The following UGCG variants were observed in gnomAD, a reference collection of about 807,000 sequenced individuals.
The protein encoded by UGCG is ceramide glucosyltransferase.
In UGCG, 10 loss-of-function variants were observed where a neutral mutation model predicts 49.5. The ratio of observed to expected loss-of-function variants is 0.20; its 90% confidence interval spans 0.12 to 0.34. UGCG has a LOEUF of 0.34. UGCG is among the 10% of genes least tolerant of loss of function. The pLI is 1.00. For missense variants in UGCG, 312 were observed against 483.7 expected (o/e 0.65, Z 3.33); for synonymous variants, 182 against 158.2 (o/e 1.15, Z -1.13).
At chr9:111,930,570 C>T (rs535159785) in intron 6 of UGCG, among the ~76,000 whole-genome samples, 27 of 150,932 alleles carry the variant, frequency 1.8e-4, no homozygotes, top group African/African-American at 6.1e-4. Context: ...TGGGTTCAAA[C>T]GATTCTCCTG....
chr9:111,929,071 AGGATTGTCCCG>A (rs1838374789), intron 5 of UGCG, among the ~76,000 whole-genome samples: 1 of 135,494 alleles, frequency 7.4e-6, no homozygotes, highest in African/African-American at 2.7e-5. Context: ...CCAAAAAAAT[AGGATTGTCCCG>A]AAGGTTGATA....
chr9:111,898,895 TAATA>T (rs1317336985), intron 1 of UGCG, among the ~76,000 whole-genome samples: 1 of 152,230 alleles, frequency 6.6e-6, no homozygotes, highest in African/African-American at 2.4e-5. Context: ...TTCATCTGTT[TAATA>T]AATGTTTATT....
At chr9:111,927,016 G>A (rs1205153786) in intron 5 of UGCG, among the ~76,000 whole-genome samples, 1 of 151,288 alleles carries the variant, frequency 6.6e-6, no homozygotes, top group South Asian at 2.1e-4. Flanking sequence ...GGGATTTCAG[G>A]TGTGCTACCA....
intron 3 of UGCG, among the ~76,000 whole-genome samples, chr9:111,923,609 G>A (rs540776532): frequency 1.3e-5 from 2 of 151,790 alleles, no homozygotes; most frequent in Non-Finnish European, 2.9e-5. Flanking sequence ...ATTATTTACT[G>A]TCATATATTT....
At chr9:111,916,370 A>G (rs1317946455) in intron 2 of UGCG, among the ~76,000 whole-genome samples, 1 of 152,208 alleles carries the variant, frequency 6.6e-6, no homozygotes, top group Non-Finnish European at 1.5e-5. Context: ...AAAATTGGTC[A>G]TGGAATTTTT....
chr9:111,911,621 A>T (rs551932666), intron 1 of UGCG, among the ~76,000 whole-genome samples: 1 of 151,960 alleles, frequency 6.6e-6, no homozygotes, highest in South Asian at 2.1e-4. Flanking sequence ...TCAGGGGCTG[A>T]ACGTGGTGGC....
At chr9:111,901,188 A>G (rs1333691677) in intron 1 of UGCG, among the ~76,000 whole-genome samples, 1 of 152,198 alleles carries the variant, frequency 6.6e-6, no homozygotes, top group East Asian at 1.9e-4. Flanking sequence ...TTGCATACTC[A>G]TTGTGTCAGG....
At chr9:111,907,752 G>A (rs777762497) in intron 1 of UGCG, among the ~76,000 whole-genome samples, 2 of 151,850 alleles carry the variant, frequency 1.3e-5, no homozygotes, top group African/African-American at 2.4e-5. Flanking sequence ...AGCCTCCCGA[G>A]TAGCTGGGAT....
At chr9:111,918,882 G>A (rs551708524) in intron 2 of UGCG, among the ~76,000 whole-genome samples, 46 of 144,898 alleles carry the variant, frequency 3.2e-4, no homozygotes, top group African/African-American at 1.2e-3. Flanking sequence ...CGGAGATCGC[G>A]CCACAGCACT....
intron 1 of UGCG, among the ~76,000 whole-genome samples, chr9:111,913,333 A>G (rs1490843059): frequency 1.3e-5 from 2 of 152,208 alleles, no homozygotes; most frequent in Non-Finnish European, 2.9e-5. Context: ...AGTAGGAGGA[A>G]GGCTTCAGTG....
intron 1 of UGCG, among the ~76,000 whole-genome samples, chr9:111,897,827 C>T (rs2131709706): frequency 6.6e-6 from 1 of 151,792 alleles, no homozygotes; most frequent in East Asian, 1.9e-4. Context: ...AAAATGTCCA[C>T]CAAACCTCCG....
At chr9:111,911,939 T>TCAACAGG (rs1463032993) in intron 1 of UGCG, among the ~76,000 whole-genome samples, 3 of 46,260 alleles carry the variant, frequency 6.5e-5, no homozygotes, top group Admixed American at 2.8e-4. Flanking sequence ...TATATATATA[T>TCAACAGG]ATATATATAT....
Position 111,897,130 on chromosome 9 carries a change from C to T in UGCG, c.-86C>T, listed in dbSNP as rs368459597. 179 of 1,209,288 alleles carry T rather than the reference C, an allele frequency of 1.5e-4. 3 individuals are homozygous for T. In the East Asian group the frequency reaches 4.1e-3, roughly 28 times the overall value. 74.9% of individuals were successfully genotyped at this position (1,209,288 alleles called of 1,614,324 possible). On this transcript the variant is annotated 5_prime_UTR_variant, in exon 1 of 9. Transcript: ENST00000374279. ...TCCTCTCGCCTCCCGCGCCCCCGCA[C>T]CGGGCGCCCACCCTGTCCTCCTCCT...
At chr9:111,919,003 CCTTA>C (rs1838168457) in intron 2 of UGCG, among the ~76,000 whole-genome samples, 1 of 152,022 alleles carries the variant, frequency 6.6e-6, no homozygotes, top group African/African-American at 2.4e-5. Context: ...ACTGTACCTC[CCTTA>C]CTTATAACCT....
intron 7 of UGCG, 29 bp downstream of exon 7, chr9:111,931,386 C>A (rs757749269): frequency 1.9e-6 from 3 of 1,596,682 alleles, no homozygotes; most frequent in Non-Finnish European, 2.6e-6. Context: ...TTTTATACTT[C>A]GTTAAAAGGA....
At position 111,929,637 on chromosome 9, in the gene UGCG, C is replaced by T; in HGVS notation, c.696C>T (p.Tyr232=). 2 of 1,613,964 alleles carry T rather than the reference C, an allele frequency of 1.2e-6. No homozygotes were observed. The highest frequency in any genetic ancestry group is 1.7e-5 in the Admixed American group (1 of 59,964). Residue 232 remains tyrosine (Y), a synonymous_variant, in exon 6 of 9, where the codon TAC becomes TAT. Coordinates refer to ENST00000374279, the MANE Select transcript of UGCG (RefSeq NM_003358.3). ...GAGGACTTATAGCTTTTGCTCAGTA[C>T]ATTGCCGAAGATTACTTTATGGCCA... ...QAGGLIAFAQ[Y]IAEDYFMAKA... is the part of the protein sequence containing the mutation.
chr9:111,924,824 G>A lies in UGCG; in HGVS notation c.391G>A (p.Gly131Arg). Residue 131 changes from glycine (G) to arginine (R), a missense_variant, in exon 4 of 9, where the codon GGA becomes AGA. Physicochemically the swap from Gly to Arg is moderately radical, Grantham distance 125 (BLOSUM62 -2). Coordinates refer to ENST00000374279, the MANE Select transcript of UGCG (RefSeq NM_003358.3). ...INPKINNLMP[G>R]YEVAKYDLIW... is the part of the protein sequence containing the mutation. ...TCCTAAAATTAATAATTTAATGCCA[G>A]GATATGAAGTTGCAAAGTATGATCT... The A allele has an allele frequency of 6.5e-7, 1 of 1,542,984 alleles. No individual in the cohort carries two copies. The highest frequency in any genetic ancestry group is 2.4e-5 in the East Asian group (1 of 40,824).
chr9:111,921,872 G>T (rs983624098), intron 2 of UGCG, among the ~76,000 whole-genome samples: 12 of 129,488 alleles, frequency 9.3e-5, no homozygotes, highest in Non-Finnish European at 1.6e-5. Flanking sequence ...ATGTAGTGGC[G>T]CAGTCTTCGG....
chr9:111,910,234 C>G (rs1289408734), intron 1 of UGCG, among the ~76,000 whole-genome samples: 1 of 152,188 alleles, frequency 6.6e-6, no homozygotes, highest in African/African-American at 2.4e-5. Flanking sequence ...ATCTTCGTTG[C>G]TACTGTTTTT....
Sources: allele counts gnomAD v4.1 joint callset (sites outside exome capture counted in the v4.1 genomes callset), GRCh38; gene constraint gnomAD v4.1.1; transcripts MANE v1.5; gene names NCBI Gene and HGNC (gene_info 2026-07-23, HGNC 2026-07-21).